The following CATSPER2 variants were observed in gnomAD, a reference collection of about 807,000 sequenced individuals.
CATSPER2 encodes cation channel sperm associated 2, also known as cation channel sperm-associated protein 2.
CATSPER2 carries 56 observed loss-of-function variants against 68.8 expected under a neutral mutation model. The ratio of observed to expected loss-of-function variants is 0.81; its 90% CI spans 0.66 to 1.02. CATSPER2 has a LOEUF of 1.02. Ranked by LOEUF, CATSPER2 falls within the 50% of genes least tolerant of loss-of-function variation. The pLI, the probability that CATSPER2 is intolerant of heterozygous loss-of-function variation, is 0.00. For synonymous variants in CATSPER2, 198 were observed against 229.9 expected, an observed-to-expected ratio of 0.86 and a Z score of 1.26; for missense variants, 582 against 642.0, an observed-to-expected ratio of 0.91 and a Z score of 1.01.
In CATSPER2 at chr15:43,638,904, GAGA is replaced by G. The variant is rs1567129255; in HGVS notation, c.839_841del (p.Phe280del). 1 of 1,612,308 alleles carries G rather than the reference GAGA, an allele frequency of 6.2e-7. No individual in the cohort carries two copies. Among genetic ancestry groups the G allele is most frequent in the Non-Finnish European group, 8.5e-7 (1 of 1,179,110 alleles). ...CCCAGCTGTCCCCAGCTCTGCTTAC[GAGA>G]AGAACACATGGTACTCCAGGTCCTG... On this transcript the variant is annotated inframe_deletion and splice_region_variant, in exon 7 of 13. Transcript: ENST00000396879.
intron 7 of CATSPER2, among the ~76,000 whole-genome samples, chr15:43,638,040 T>C (rs970950187): frequency 7.9e-5 from 12 of 151,402 alleles, no homozygotes; most frequent in African/African-American, 2.7e-4. Context: ...CTGCAATCTC[T>C]GCCTCCCAAG....
At position 43,639,560 on chromosome 15, in the gene CATSPER2, C is replaced by T. The variant is rs865941653; in HGVS notation, c.717+83G>A. 422 of 1,604,266 alleles carry T rather than the reference C, an allele frequency of 2.6e-4. 6 individuals are homozygous for T. The Middle Eastern group carries it at 4.6e-3, about 18-fold the overall frequency. On this transcript the variant is annotated intron_variant, in intron 6 of 12. Coordinates refer to ENST00000396879, the MANE Select transcript of CATSPER2 (RefSeq NM_172095.4). ...GATTACAGGCGTGAGCCACCGCACC[C>T]GGCCAATTTGTTTCATATTCTATGT... is the stretch of plus-strand genomic sequence containing the variant.
Position 43,647,282 on chromosome 15 carries a change from A to G in CATSPER2, c.319+12T>C, listed in dbSNP as rs868607564. The stretch of plus-strand genomic sequence containing the variant: ...AACAGCCAGGATAAAAATGAGTGAC[A>G]TGAAAGGATACACTCAAGGACCCAT... On this transcript the variant is annotated intron_variant, in intron 3 of 12. Coordinates refer to ENST00000396879, the MANE Select transcript of CATSPER2 (RefSeq NM_172095.4). The G allele has an allele frequency of 8.1e-6, 13 of 1,602,960 alleles. 1 individual carries two copies. In the Middle Eastern group the frequency reaches 6.6e-4, roughly 82 times the overall value.
chr15:43,638,978 A>G lies in CATSPER2; in HGVS notation c.768T>C (p.Ala256=). 1 of 1,613,200 alleles carries G rather than the reference A, an allele frequency of 6.2e-7. No individual in the cohort carries two copies. The highest frequency in any genetic ancestry group is 8.5e-7 in the Non-Finnish European group (1 of 1,179,482). The change falls in exon 7 of 13, where the codon GCT becomes GCC. Residue 256 remains alanine, a synonymous_variant. Coordinates refer to ENST00000396879, the MANE Select transcript of CATSPER2 (RefSeq NM_172095.4). ...CTGAGAAGACGTAGACACCAGTCACAGCAAAAATGTAGAAGAAGATGAGCA... is the reference window on the plus strand; with the variant it reads ...CTGAGAAGACGTAGACACCAGTCACGGCAAAAATGTAGAAGAAGATGAGCA... ...MLLLIFFYIF[A]VTGVYVFSEY...
Position 43,640,483 on chromosome 15 carries a change from G to A in CATSPER2, c.402C>T (p.Ser134=). The A allele has an allele frequency of 6.2e-7, 1 of 1,613,246 alleles. No individual in the cohort carries two copies. Among genetic ancestry groups the A allele is most frequent in the Non-Finnish European group, 8.5e-7 (1 of 1,179,542 alleles). Residue 134 remains serine, a synonymous_variant, in exon 5 of 13, where the codon TCC becomes TCT. Transcript: ENST00000396879. ...ILMVEIELLE[S]TNTKLWPLKL... is the part of the protein sequence containing the mutation. ...TCAATGGCCATAGTTTGGTATTTGT[G>A]GATTCCAGCAATTCTGTGAAGATAG...
At position 43,640,304 on chromosome 15, in the gene CATSPER2, C is replaced by T; in HGVS notation, c.561+20G>A. ...CATTCTTCATCCCACTAAACGAACCCTCAGGATCTCTATCCTTACCAACAT... is the reference window on the plus strand; with the variant it reads ...CATTCTTCATCCCACTAAACGAACCTTCAGGATCTCTATCCTTACCAACAT... On this transcript the variant is annotated intron_variant, in intron 5 of 12. Coordinates refer to ENST00000396879, the MANE Select transcript of CATSPER2 (RefSeq NM_172095.4). 6.2e-7 allele frequency: 1 copy of T among 1,609,590 alleles called. No individual in the cohort carries two copies. The highest frequency in any genetic ancestry group is 8.5e-7 in the Non-Finnish European group (1 of 1,176,850).
rs748353276 is a variant in CATSPER2, at chr15:43,639,754, T to A, written c.606A>T (p.Gln202His). The part of the protein sequence containing the change: ...EVVVLVGVTG[Q>H]SVWLQLLRIC... ...TCCTCAGAAGCTGAAGCCACACCGA[T>A]TGGCCTGTTACCCCTACCAATACCA... The change falls in exon 6 of 13, where the codon CAA (glutamine) becomes CAT (histidine). Residue 202 changes from glutamine (Q) to histidine (H), a missense_variant. Gln to His is a conservative substitution (Grantham distance 24). Around this residue, in one of 5 missense-constraint regions of CATSPER2, gnomAD observed 45 missense variants for 80.2 expected, o/e 0.56. Coordinates refer to ENST00000396879, the MANE Select transcript of CATSPER2 (RefSeq NM_172095.4). 2.5e-6 allele frequency: 4 copies of A among 1,612,022 alleles called. No individual in the cohort carries two copies. The African/African-American group carries it at 5.4e-5, about 22-fold the overall frequency.
rs2086199300 is a variant in CATSPER2, at chr15:43,647,882, T to G, written c.145+35A>C. The G allele has an allele frequency of 3.1e-6, 5 of 1,609,796 alleles. 2 individuals carry two copies. In the Admixed American group the frequency reaches 8.3e-5, roughly 27 times the overall value. ...AATGTAGAGGATGTGGATAGGAGTCTTAAATTTAAATTAGTGAAGAAATAG... is the reference window on the plus strand; with the variant it reads ...AATGTAGAGGATGTGGATAGGAGTCGTAAATTTAAATTAGTGAAGAAATAG... On this transcript the variant is annotated intron_variant, in intron 2 of 12. Coordinates refer to ENST00000396879, the MANE Select transcript of CATSPER2 (RefSeq NM_172095.4).
At chr15:43,637,819 A>G (rs2085990684) in intron 7 of CATSPER2, 2 of 151,976 alleles carry the variant, frequency 1.3e-5, no homozygotes, top group Non-Finnish European at 2.9e-5. Flanking sequence ...ACCAGTGATC[A>G]TATTTGAGAA....
At chr15:43,643,695 T>A (rs1398548482) in intron 4 of CATSPER2, among the ~76,000 whole-genome samples, 1 of 151,984 alleles carries the variant, frequency 6.6e-6, no homozygotes, top group African/African-American at 2.4e-5. Flanking sequence ...AATCTCAAGA[T>A]GATGTTCATC....
rs771420666 is a variant in CATSPER2, at chr15:43,632,766, T to G, written c.1347A>C (p.Thr449=). The G allele has an allele frequency of 1.9e-6, 3 of 1,613,676 alleles. No individual in the cohort carries two copies. In the Admixed American group the frequency reaches 5.0e-5, roughly 27 times the overall value. Residue 449 remains threonine (T), a synonymous_variant, in exon 11 of 13, where the codon ACA becomes ACC. Coordinates refer to ENST00000396879, the MANE Select transcript of CATSPER2 (RefSeq NM_172095.4). ...EYQSSSCVSS[T]SSSYSSSSES... ...CAGAAGAGGAAGAATAGGAAGAGGA[T>G]GTGGAGGAGACACAGGAGGAAGACT...
At chr15:43,646,657 A>G (rs972475441) in intron 4 of CATSPER2, among the ~76,000 whole-genome samples, 4 of 151,628 alleles carry the variant, frequency 2.6e-5, no homozygotes, top group Non-Finnish European at 4.4e-5. Context: ...GACATTCAAA[A>G]ATGTAAAATG....
rs188889785 is a variant in CATSPER2 at position 43,645,123 on chromosome 15, A to C, written c.388+1927T>G. Among the ~76,000 whole-genome samples, 172 of 151,900 alleles carry C rather than the reference A, an allele frequency of 1.1e-3. 3 individuals carry two copies. The highest frequency in any genetic ancestry group is 4.0e-3 in the African/African-American group (164 of 41,424). Reference sequence around the variant, plus strand: ...ACCTAGGCTGGAGTTCCGTTGCATGATGGCTCACTGCAACCTCCGCCTCCC... The same window carrying C: ...ACCTAGGCTGGAGTTCCGTTGCATGCTGGCTCACTGCAACCTCCGCCTCCC... On this transcript the variant is annotated intron_variant, in intron 4 of 12. Coordinates refer to ENST00000396879, the MANE Select transcript of CATSPER2 (RefSeq NM_172095.4).
intron 7 of CATSPER2, chr15:43,637,799 T>C (rs182323382): frequency 3.9e-5 from 6 of 152,044 alleles, no homozygotes; most frequent in South Asian, 4.2e-4. Context: ...TATGTAGAGA[T>C]TGGGATAAAA....
chr15:43,632,173 T>A (rs187849814), intron 12 of CATSPER2, 26 bp downstream of exon 12: 2 of 1,608,340 alleles, frequency 1.2e-6, no homozygotes, highest in Non-Finnish European at 1.7e-6. Context: ...ATTCCCATGG[T>A]CCCCATGACT....
Position 43,630,861 on chromosome 15 carries a change from A to T in CATSPER2, c.1562-129T>A, listed in dbSNP as rs138019673. 6,499 of 1,576,012 alleles carry T rather than the reference A, an allele frequency of 4.1e-3. 85 individuals are homozygous for T. Among genetic ancestry groups the T allele is most frequent in the Admixed American group, 7.3e-3 (408 of 55,918 alleles). On this transcript the variant is annotated intron_variant, in intron 12 of 12. Transcript: ENST00000396879. ...TCTTTACTAATCTTTAAATTAAGCC[A>T]TATGATTCTGTGTACTCTTTGCCAT... is the stretch of plus-strand genomic sequence containing the variant.
Position 43,639,208 on chromosome 15 carries a change from G to T in CATSPER2, c.718-180C>A, listed in dbSNP as rs11857661. 0.15 allele frequency among the ~76,000 whole-genome samples: 22,392 copies of T among 150,638 alleles called. 2,215 individuals carry two copies. Among genetic ancestry groups the T allele is most frequent in the East Asian group, 0.28 (1,417 of 5,128 alleles). On this transcript the variant is annotated intron_variant, in intron 6 of 12. Transcript: ENST00000396879. ...CTCATCCAATAACATTTCACAGGAC[G>T]TTTCATTGCCTTCTTTGACCCACCC...
chr15:43,631,641 A>C (rs986953516), intron 12 of CATSPER2: 2 of 261,388 alleles, frequency 7.7e-6, no homozygotes, highest in African/African-American at 4.6e-5. Context: ...AAACTCTACT[A>C]TTTAAATCAC....
At chr15:43,643,874 G>A (rs548345414) in intron 4 of CATSPER2, among the ~76,000 whole-genome samples, 2 of 151,820 alleles carry the variant, frequency 1.3e-5, no homozygotes, top group Non-Finnish European at 2.9e-5. Context: ...TTTGAGACAG[G>A]GTCTTGCTCT....
Sources: gnomAD v4.1 joint callset for allele counts (sites outside exome capture counted in the v4.1 genomes callset) on GRCh38, gnomAD v4.1.1 for gene constraint, gnomAD v4.1.1 regional missense constraint, MANE v1.5 for transcripts, NCBI Gene and HGNC (gene_info 2026-07-23, HGNC 2026-07-21) for gene names.